The following TJP1 variants were observed in gnomAD, a reference collection of about 807,000 sequenced individuals.
The protein encoded by TJP1 is tight junction protein ZO-1.
Under a neutral mutation model 194.2 loss-of-function variants are expected in TJP1, and 43 were observed. That is an observed-to-expected ratio of 0.22 (90% CI 0.17 to 0.29). The LOEUF (loss-of-function observed/expected upper bound fraction) is 0.29. Among genes scored for constraint, TJP1 ranks in the 10% least tolerant of loss-of-function variants. The pLI, the probability that TJP1 is intolerant of heterozygous loss-of-function variation, is 1.00. For synonymous variants in TJP1, 801 were observed against 779.0 expected, an observed-to-expected ratio of 1.03 and a Z score of -0.47; for missense variants, 1,971 against 2,185.7, an observed-to-expected ratio of 0.90 and a Z score of 1.96.
At chr15:29,764,545 T>C (rs45585840) in intron 5 of TJP1, among the ~76,000 whole-genome samples, 174 of 152,078 alleles carry the variant, frequency 1.1e-3, no homozygotes, top group African/African-American at 3.8e-3. Context: ...ATGTAAGAGA[T>C]GACAGTGGCT....
intron 26 of TJP1, 44 bp downstream of exon 26, chr15:29,705,484 A>G (rs1362108609): frequency 6.3e-7 from 1 of 1,590,580 alleles, no homozygotes; most frequent in Admixed American, 1.7e-5. Flanking sequence ...ACACAGGGCA[A>G]CTCTTAAGTT....
intron 2 of TJP1, among the ~76,000 whole-genome samples, chr15:29,785,831 C>G (rs923287080): frequency 6.6e-6 from 1 of 152,166 alleles, no homozygotes; most frequent in African/African-American, 2.4e-5. Flanking sequence ...GGAGCCTCAG[C>G]AATTGTCTGT....
chr15:29,859,679 C>T (rs917335217), intron 2 of TJP1, among the ~76,000 whole-genome samples: 3 of 152,192 alleles, frequency 2.0e-5, no homozygotes, highest in Admixed American at 1.3e-4. Flanking sequence ...GTCCAGCTTC[C>T]TTTGCCTTCT....
intron 2 of TJP1, among the ~76,000 whole-genome samples, chr15:29,885,046 T>C (rs920501144): frequency 6.6e-6 from 1 of 152,142 alleles, no homozygotes; most frequent in Non-Finnish European, 1.5e-5. Flanking sequence ...AACTAAAAAT[T>C]AGAGGTGAAA....
chr15:29,821,829 GGCTCCCCGCGGCCCGCGGCCC>G (rs1001020484), intron 1 of TJP1, among the ~76,000 whole-genome samples, 152 bp downstream of exon 1: 10 of 144,356 alleles, frequency 6.9e-5, no homozygotes, highest in South Asian at 2.1e-4. Flanking sequence ...CCGCCCGAGG[GGCTCCCCGCGGCCCGCGGCCC>G]GCGGCCCGCG....
At chr15:29,806,308 T>G (rs2049107485) in intron 1 of TJP1, among the ~76,000 whole-genome samples, 1 of 152,084 alleles carries the variant, frequency 6.6e-6, no homozygotes, top group East Asian at 1.9e-4. Context: ...TGAGGATACA[T>G]GAAAACCAAT....
chr15:29,928,462 G>A (rs967064133), intron 2 of TJP1, among the ~76,000 whole-genome samples: 8 of 152,036 alleles, frequency 5.3e-5, no homozygotes, highest in South Asian at 4.1e-4. Flanking sequence ...AGAACTGTTC[G>A]GCAATATCTA....
chr15:29,905,502 T>C (rs2053777680), intron 2 of TJP1, among the ~76,000 whole-genome samples: 1 of 152,226 alleles, frequency 6.6e-6, no homozygotes, highest in Non-Finnish European at 1.5e-5. Context: ...GCCATCACAC[T>C]CTTTAGTATT....
intron 2 of TJP1, among the ~76,000 whole-genome samples, chr15:29,877,624 CTTCTTCT>C (rs1410216368): frequency 2.1e-5 from 3 of 144,790 alleles, no homozygotes; most frequent in Admixed American, 7.0e-5. Flanking sequence ...CCTCCTCCTC[CTTCTTCT>C]TTCTTCTTCT....
At chr15:29,761,351 C>T in intron 7 of TJP1, 65 bp from the exon 8 acceptor site, 6 of 1,567,628 alleles carry the variant, frequency 3.8e-6, no homozygotes, top group Non-Finnish European at 5.2e-6. Context: ...TAAGGTACTC[C>T]AGTAATAATG....
chr15:29,965,644 G>A (rs60420783), intron 1 of TJP1, among the ~76,000 whole-genome samples: 33,662 of 152,118 alleles, frequency 0.22, 3,942 homozygotes, highest in East Asian at 0.39. Flanking sequence ...ATATGATGGT[G>A]CCTTATGTCT....
intron 2 of TJP1, among the ~76,000 whole-genome samples, chr15:29,799,773 C>T (rs1043879322): frequency 1.3e-5 from 2 of 152,122 alleles, no homozygotes; most frequent in Non-Finnish European, 2.9e-5. Context: ...CAGATCCAAA[C>T]ATTCGTGAGA....
chr15:29,904,972 GA>G (rs1245486625), intron 2 of TJP1, among the ~76,000 whole-genome samples: 1 of 152,224 alleles, frequency 6.6e-6, no homozygotes, highest in East Asian at 1.9e-4. Flanking sequence ...AAGAGGCAAG[GA>G]CAGATCCTCC....
intron 2 of TJP1, among the ~76,000 whole-genome samples, chr15:29,953,518 A>G (rs2055832529): frequency 6.6e-6 from 1 of 152,186 alleles, no homozygotes; most frequent in Non-Finnish European, 1.5e-5. Context: ...GCCCCTACAT[A>G]TTTTGGGTAT....
intron 2 of TJP1, among the ~76,000 whole-genome samples, chr15:29,875,890 T>C (rs984893485): frequency 6.6e-6 from 1 of 152,194 alleles, no homozygotes; most frequent in Non-Finnish European, 1.5e-5. Flanking sequence ...AGGAGGAACA[T>C]TGTCACCAGG....
chr15:29,755,859 T>C (rs533479939), intron 8 of TJP1, among the ~76,000 whole-genome samples: 4 of 152,298 alleles, frequency 2.6e-5, no homozygotes, highest in Admixed American at 6.5e-5. Flanking sequence ...TTCAATTTCA[T>C]CCTGTTAGTC....
At chr15:29,774,979 A>G (rs2046924978) in intron 2 of TJP1, among the ~76,000 whole-genome samples, 1 of 152,198 alleles carries the variant, frequency 6.6e-6, no homozygotes, top group South Asian at 2.1e-4. Flanking sequence ...TGAAAATTTT[A>G]AACGGAAAAC....
intron 11 of TJP1, among the ~76,000 whole-genome samples, chr15:29,736,113 C>A (rs1315800738): frequency 6.6e-6 from 1 of 152,068 alleles, no homozygotes; most frequent in Non-Finnish European, 1.5e-5. Context: ...TTAAGACAGT[C>A]AAAACGCTGC....
chr15:29,840,042 A>G (rs767645763), intron 2 of TJP1, among the ~76,000 whole-genome samples: 30 of 152,366 alleles, frequency 2.0e-4, no homozygotes, highest in Middle Eastern at 3.4e-3. Context: ...TGCCACCTGC[A>G]TGTCCCCTTG....
Sources: allele counts gnomAD v4.1 joint callset (sites outside exome capture counted in the v4.1 genomes callset), GRCh38; gene constraint gnomAD v4.1.1; transcripts MANE v1.5; gene names NCBI Gene and HGNC (gene_info 2026-07-23, HGNC 2026-07-21).